Variants in C10orf67 observed in about 807,000 individuals in gnomAD.
The protein encoded by C10orf67 is chromosome 10 open reading frame 67.
In C10orf67, 60 loss-of-function variants were observed where a neutral mutation model predicts 35.6. The ratio of observed to expected loss-of-function variants is 1.68; its 90% CI spans 1.37 to 2.09. The LOEUF is 2.09. Among genes scored for constraint, C10orf67 ranks in the 30% most tolerant of loss-of-function variants. The pLI, the probability that C10orf67 is intolerant of heterozygous loss-of-function variation, is 0.00. For missense variants in C10orf67, 474 were observed against 330.2 expected (o/e 1.44, Z -3.38); for synonymous variants, 167 against 115.8 (o/e 1.44, Z -2.84).
At chr10:23,250,434 T>C (rs557231622) in intron 12 of C10orf67, 21 bp downstream of exon 12, 1 of 398,510 alleles carries the variant, frequency 2.5e-6, no homozygotes, top group African/African-American at 2.1e-5. Flanking sequence ...AGAAATAGAA[T>C]TTGTATATTT....
chr10:23,329,797 CAAAAAAAAAAAAAAA>C (rs398013008), intron 2 of C10orf67, among the ~76,000 whole-genome samples: 3 of 48,092 alleles, frequency 6.2e-5, no homozygotes, highest in Non-Finnish European at 1.1e-4. Flanking sequence ...GAACTTGTCT[CAAAAAAAAAAAAAAA>C]AAAAGAAAAG....
At chr10:23,279,565 G>A (rs1171738278) in intron 8 of C10orf67, among the ~76,000 whole-genome samples, 1 of 152,188 alleles carries the variant, frequency 6.6e-6, no homozygotes, top group Non-Finnish European at 1.5e-5. Context: ...AGTCTGGATT[G>A]TTCCAAGAAA....
chr10:23,236,251 GGGAAA>G (rs1307487660), intron 13 of C10orf67, among the ~76,000 whole-genome samples: 2,795 of 94,414 alleles, frequency 0.03, 143 homozygotes, highest in African/African-American at 0.16. Flanking sequence ...TCCCTCTCGG[GGGAAA>G]AAAAAAAAAA....
intron 15 of C10orf67, among the ~76,000 whole-genome samples, chr10:23,222,180 T>G (rs1564459045): frequency 1.3e-5 from 2 of 152,168 alleles, no homozygotes; most frequent in African/African-American, 2.4e-5. Context: ...TTTTCAGGGC[T>G]TAGAAAAGGG....
chr10:23,271,194 A>G (rs764741523), intron 8 of C10orf67, among the ~76,000 whole-genome samples: 3 of 152,244 alleles, frequency 2.0e-5, no homozygotes, highest in Non-Finnish European at 2.9e-5. Flanking sequence ...ACATAATGGT[A>G]AAAGGTTCAA....
At chr10:23,276,369 G>A (rs776331783) in intron 8 of C10orf67, among the ~76,000 whole-genome samples, 1 of 152,162 alleles carries the variant, frequency 6.6e-6, no homozygotes, top group Non-Finnish European at 1.5e-5. Context: ...TCATACAGAA[G>A]TCATTGATGC....
intron 13 of C10orf67, among the ~76,000 whole-genome samples, chr10:23,232,316 G>T (rs944321583): frequency 6.6e-5 from 10 of 152,036 alleles, no homozygotes; most frequent in African/African-American, 2.4e-4. Context: ...TTAAGAATGG[G>T]GAACCTTACT....
intron 8 of C10orf67, among the ~76,000 whole-genome samples, chr10:23,270,531 C>A (rs900798341): frequency 2.6e-5 from 4 of 152,224 alleles, no homozygotes; most frequent in African/African-American, 4.8e-5. Context: ...GCAGATCTGT[C>A]TGTACCTTCC....
chr10:23,336,157 T>C (rs967685390), intron 1 of C10orf67, among the ~76,000 whole-genome samples: 5 of 152,112 alleles, frequency 3.3e-5, no homozygotes, highest in South Asian at 4.1e-4. Flanking sequence ...ACTGGATACA[T>C]TGAATGAGTA....
chr10:23,225,433 C>T (rs1421991856), intron 13 of C10orf67, among the ~76,000 whole-genome samples: 1 of 152,132 alleles, frequency 6.6e-6, no homozygotes, highest in Non-Finnish European at 1.5e-5. Flanking sequence ...TTGTAAAGAC[C>T]ATTAAGGCTA....
intron 1 of C10orf67, among the ~76,000 whole-genome samples, chr10:23,342,757 C>T (rs143883527): frequency 1.2e-4 from 19 of 152,348 alleles, no homozygotes; most frequent in Admixed American, 5.9e-4. Context: ...TTTTAACAAA[C>T]GTACCCATTG....
At chr10:23,280,674 C>G (rs1368297351) in intron 8 of C10orf67, among the ~76,000 whole-genome samples, 1 of 152,080 alleles carries the variant, frequency 6.6e-6, no homozygotes, top group African/African-American at 2.4e-5. Context: ...TGGGGCGCAA[C>G]AAACTTCTAA....
chr10:23,336,581 C>G (rs1379218831), intron 1 of C10orf67, among the ~76,000 whole-genome samples: 1 of 152,140 alleles, frequency 6.6e-6, no homozygotes, highest in African/African-American at 2.4e-5. Flanking sequence ...GTGGTGTGAT[C>G]TCAGCTCACT....
intron 13 of C10orf67, among the ~76,000 whole-genome samples, chr10:23,239,453 A>G (rs1175852666): frequency 6.6e-6 from 1 of 152,188 alleles, no homozygotes; most frequent in East Asian, 1.9e-4. Flanking sequence ...CTCCAGGCAG[A>G]ATGAGTGCCC....
At chr10:23,261,434 C>T (rs191422447) in intron 10 of C10orf67, among the ~76,000 whole-genome samples, 1 of 152,156 alleles carries the variant, frequency 6.6e-6, no homozygotes, top group Non-Finnish European at 1.5e-5. Flanking sequence ...ACCTCAGCCT[C>T]CTGAGTAGCT....
chr10:23,293,964 C>T (rs1162341129), intron 5 of C10orf67, among the ~76,000 whole-genome samples: 1 of 152,186 alleles, frequency 6.6e-6, no homozygotes, highest in Non-Finnish European at 1.5e-5. Flanking sequence ...ACGAGATCTG[C>T]AGGTGATGCA....
chr10:23,312,354 A>G (rs1235524824), intron 4 of C10orf67, among the ~76,000 whole-genome samples: 1 of 152,200 alleles, frequency 6.6e-6, no homozygotes, highest in Non-Finnish European at 1.5e-5. Context: ...AGTGGAATGA[A>G]GGAAGCCCCT....
At chr10:23,287,606 A>G (rs1279799954) in intron 7 of C10orf67, among the ~76,000 whole-genome samples, 1 of 152,228 alleles carries the variant, frequency 6.6e-6, no homozygotes, top group Non-Finnish European at 1.5e-5. Flanking sequence ...AATTGCAACA[A>G]AAGCCAAAAT....
chr10:23,260,963 T>C (rs984448221), intron 10 of C10orf67, among the ~76,000 whole-genome samples: 3 of 152,212 alleles, frequency 2.0e-5, no homozygotes, highest in Admixed American at 6.5e-5. Flanking sequence ...TAAATTGTAA[T>C]TGAATTCGAC....
Sources: allele counts gnomAD v4.1 joint callset (sites outside exome capture counted in the v4.1 genomes callset), GRCh38; gene constraint gnomAD v4.1.1; transcripts MANE v1.5; gene names NCBI Gene and HGNC (gene_info 2026-07-23, HGNC 2026-07-21).